SPAG16: variants seen among roughly 807,000 people sequenced by gnomAD.
SPAG16 encodes the protein sperm associated antigen 16.
In SPAG16, 86 loss-of-function variants were observed where a neutral mutation model predicts 80.4. The ratio of observed to expected loss-of-function variants is 1.07; its 90% CI spans 0.90 to 1.28. SPAG16 has a LOEUF of 1.28. Ranked by LOEUF, SPAG16 falls within the 50% of genes most tolerant of loss-of-function variation. The pLI is 0.00. For missense variants in SPAG16, 870 were observed against 765.3 expected (o/e 1.14, Z -1.61); for synonymous variants, 294 against 265.9 (o/e 1.11, Z -1.03).
intron 10 of SPAG16, among the ~76,000 whole-genome samples, chr2:213,636,315 A>G (rs996703451): frequency 1.3e-4 from 19 of 151,988 alleles, no homozygotes; most frequent in Non-Finnish European, 2.1e-4. Context: ...CTGTGTGCCT[A>G]TTTTTATGCC....
intron 15 of SPAG16, among the ~76,000 whole-genome samples, chr2:214,182,384 A>C (rs2057335758): frequency 6.6e-6 from 1 of 151,838 alleles, no homozygotes; most frequent in Non-Finnish European, 1.5e-5. Context: ...TTCAAAGTAT[A>C]TAGTCTAAAA....
intron 10 of SPAG16, among the ~76,000 whole-genome samples, chr2:213,826,363 G>T (rs1274201523): frequency 2.0e-5 from 3 of 151,204 alleles, no homozygotes; most frequent in African/African-American, 7.3e-5. Context: ...TTTCTTTTTT[G>T]ATGTAGGCAC....
At chr2:213,870,131 G>A (rs993167597) in intron 11 of SPAG16, among the ~76,000 whole-genome samples, 4 of 152,082 alleles carry the variant, frequency 2.6e-5, no homozygotes, top group African/African-American at 4.8e-5. Flanking sequence ...TCTGGCCAGC[G>A]AAATGTGAAT....
chr2:214,288,593 A>T lies in SPAG16; in HGVS notation c.1721-121547A>T, dbSNP rs549522132. Among the ~76,000 whole-genome samples, 307 of 151,710 alleles carry T rather than the reference A, an allele frequency of 2.0e-3. 4 individuals carry two copies. The highest frequency in any genetic ancestry group is 7.0e-3 in the African/African-American group (291 of 41,390). On this transcript the variant is annotated intron_variant, in intron 15 of 15. Transcript: ENST00000331683. ...TCACATCCCGATCAGCATCTATTAAATTTTTTTTGTCTTTTTAGTAAGAGC... is the reference window on the plus strand; with the variant it reads ...TCACATCCCGATCAGCATCTATTAATTTTTTTTTGTCTTTTTAGTAAGAGC...
intron 15 of SPAG16, among the ~76,000 whole-genome samples, chr2:214,205,949 C>G (rs745775333): frequency 5.3e-5 from 8 of 152,044 alleles, no homozygotes; most frequent in Non-Finnish European, 1.0e-4. Flanking sequence ...TAGTCCCACA[C>G]TTTGAGAGGC....
At chr2:214,298,565 T>A (rs1052226464) in intron 15 of SPAG16, among the ~76,000 whole-genome samples, 1 of 152,124 alleles carries the variant, frequency 6.6e-6, no homozygotes, top group African/African-American at 2.4e-5. Flanking sequence ...TTATCTATAG[T>A]ACAGAAAAGG....
intron 5 of SPAG16, among the ~76,000 whole-genome samples, chr2:213,334,134 TA>T (rs151217789): frequency 0.014 from 2,171 of 152,038 alleles, 26 homozygotes; most frequent in South Asian, 0.038. Context: ...ATACTCCAAT[TA>T]AAAAAATGGA....
At chr2:213,576,745 T>C (rs2060140571) in intron 10 of SPAG16, among the ~76,000 whole-genome samples, 1 of 152,126 alleles carries the variant, frequency 6.6e-6, no homozygotes, top group Admixed American at 6.6e-5. Context: ...ATAGTGCTTG[T>C]TCTCACTTAA....
In SPAG16 at chr2:213,797,327, T is replaced by C. The variant is rs1037557781; in HGVS notation, c.1071-65158T>C. On this transcript the variant is annotated intron_variant, in intron 10 of 15. Transcript: ENST00000331683. The stretch of plus-strand genomic sequence containing the variant: ...ACAGTAGTGTCCTAGGCCTTCACAT[T>C]CACTCACCACTGACTCACTGTCTCA... Among the ~76,000 whole-genome samples, 7 of 152,308 alleles carry C rather than the reference T, an allele frequency of 4.6e-5. No homozygotes were observed. In the East Asian group the frequency reaches 1.3e-3, roughly 29 times the overall value.
At chr2:213,845,658 C>T (rs1339182020) in intron 10 of SPAG16, among the ~76,000 whole-genome samples, 2 of 152,136 alleles carry the variant, frequency 1.3e-5, no homozygotes. Context: ...CCTTTCATCA[C>T]CTTAATTCTT....
intron 15 of SPAG16, among the ~76,000 whole-genome samples, chr2:214,409,275 T>G (rs1461660739): frequency 6.6e-6 from 1 of 151,994 alleles, no homozygotes; most frequent in Non-Finnish European, 1.5e-5. Context: ...CTTCTAAGTA[T>G]GATTAAATAA....
chr2:213,841,319 G>T (rs80073899), intron 10 of SPAG16, among the ~76,000 whole-genome samples: 2,872 of 152,246 alleles, frequency 0.019, 56 homozygotes, highest in Non-Finnish European at 0.031. Context: ...CATGACATAA[G>T]GGTAGTTTGT....
At chr2:213,629,069 A>G (rs2125075412) in intron 10 of SPAG16, among the ~76,000 whole-genome samples, 1 of 152,344 alleles carries the variant, frequency 6.6e-6, no homozygotes, top group African/African-American at 2.4e-5. Flanking sequence ...ACTTTTTCAG[A>G]GGAAGAAACT....
intron 11 of SPAG16, among the ~76,000 whole-genome samples, chr2:213,873,420 A>T (rs906886651): frequency 6.6e-6 from 1 of 151,762 alleles, no homozygotes; most frequent in South Asian, 2.1e-4. Flanking sequence ...AGTAGAGCTA[A>T]AGTCAATTTT....
chr2:214,229,995 T>A lies in SPAG16; in HGVS notation c.1720+80729T>A, dbSNP rs1483854349. Among the ~76,000 whole-genome samples, 5 of 151,828 alleles carry A rather than the reference T, an allele frequency of 3.3e-5. No individual in the cohort carries two copies. In the East Asian group the frequency reaches 9.6e-4, roughly 29 times the overall value. Reference sequence around the variant, plus strand: ...ACACTCCAGCATTACATATGATGAATGTGAAAAAATAAACAGGCAAACACC... The same window carrying A: ...ACACTCCAGCATTACATATGATGAAAGTGAAAAAATAAACAGGCAAACACC... On this transcript the variant is annotated intron_variant, in intron 15 of 15. Transcript: ENST00000331683.
intron 11 of SPAG16, among the ~76,000 whole-genome samples, chr2:213,895,244 A>G (rs1384536006): frequency 1.3e-5 from 2 of 152,124 alleles, no homozygotes; most frequent in African/African-American, 4.8e-5. Flanking sequence ...AGACAACTAT[A>G]AAGCATTAAT....
At chr2:213,787,421 T>G (rs985670887) in intron 10 of SPAG16, among the ~76,000 whole-genome samples, 103 of 152,128 alleles carry the variant, frequency 6.8e-4, no homozygotes, top group African/African-American at 2.5e-3. Context: ...ATATATTAGC[T>G]TCTTTCATGA....
chr2:213,614,420 G>A (rs990770431), intron 10 of SPAG16, among the ~76,000 whole-genome samples: 1 of 152,196 alleles, frequency 6.6e-6, no homozygotes, highest in African/African-American at 2.4e-5. Context: ...CTGTCACTCT[G>A]AGAGATAGAA....
At chr2:214,276,946 T>G (rs115050561) in intron 15 of SPAG16, among the ~76,000 whole-genome samples, 1,584 of 145,454 alleles carry the variant, frequency 0.011, 31 homozygotes, top group African/African-American at 0.04. Flanking sequence ...CATAGATTTG[T>G]TTTTTTTCAC....
Sources: gnomAD v4.1 joint callset for allele counts (sites outside exome capture counted in the v4.1 genomes callset) on GRCh38, gnomAD v4.1.1 for gene constraint, MANE v1.5 for transcripts, NCBI Gene and HGNC (gene_info 2026-07-23, HGNC 2026-07-21) for gene names.